Variants in TNS3 observed in about 807,000 individuals in gnomAD.
TNS3 encodes the protein tensin 3.
Under a neutral mutation model 140.9 loss-of-function variants are expected in TNS3, and 45 were observed. That is an observed-to-expected ratio of 0.32 (90% CI 0.25 to 0.41). The LOEUF is 0.41. Among genes scored for constraint, TNS3 ranks in the 10% least tolerant of loss-of-function variants. The probability of loss-of-function intolerance (pLI) is 1.00; values close to 1 mark genes in which losing one functional copy is unlikely to be tolerated. For synonymous variants in TNS3, 815 were observed against 788.4 expected (o/e 1.03, Z -0.56); for missense variants, 1,716 against 1,906.7 (o/e 0.90, Z 1.86).
chr7:47,427,341 C>G (rs1391509951), intron 9 of TNS3, among the ~76,000 whole-genome samples: 1 of 152,066 alleles, frequency 6.6e-6, no homozygotes, highest in Non-Finnish European at 1.5e-5. Context: ...TGGCAGGCAC[C>G]AACTCCTCAG....
intron 2 of TNS3, among the ~76,000 whole-genome samples, chr7:47,527,471 A>G (rs894113508): frequency 1.3e-5 from 2 of 152,118 alleles, no homozygotes; most frequent in African/African-American, 4.8e-5. Flanking sequence ...GCAATTTCTC[A>G]TCACCTTACA....
In TNS3 at chr7:47,406,880, A is replaced by T. The variant is rs114044742; in HGVS notation, c.723+4847T>A. On this transcript the variant is annotated intron_variant, in intron 13 of 30. Transcript: ENST00000311160. ...TCACGCAGGCACAGGGAAAAACTGA[A>T]GGAAGGGCAAAGTGAAGGCGGCGTG... is the stretch of plus-strand genomic sequence containing the variant. Among the ~76,000 whole-genome samples, 789 of 152,272 alleles carry T rather than the reference A, an allele frequency of 5.2e-3. 6 individuals are homozygous for T. Among genetic ancestry groups the T allele is most frequent in the African/African-American group, 0.018 (744 of 41,534 alleles).
intron 27 of TNS3, 111 bp downstream of exon 27, chr7:47,291,844 G>C (rs2150608911): frequency 1.7e-6 from 2 of 1,202,658 alleles, no homozygotes; most frequent in East Asian, 2.5e-5. Context: ...CTCCTTCAAG[G>C]CTCACAGAAA....
chr7:47,483,092 A>G (rs920112915), intron 3 of TNS3, among the ~76,000 whole-genome samples: 1 of 152,206 alleles, frequency 6.6e-6, no homozygotes, highest in Non-Finnish European at 1.5e-5. Flanking sequence ...GACTGTATCA[A>G]TATTGGCTAA....
chr7:47,562,932 T>C (rs1017421599), intron 1 of TNS3, among the ~76,000 whole-genome samples: 1 of 152,088 alleles, frequency 6.6e-6, no homozygotes, highest in Non-Finnish European at 1.5e-5. Context: ...GACAACTCCA[T>C]GAGTGCCTGG....
At chr7:47,306,161 A>G (rs1460169952) in intron 20 of TNS3, among the ~76,000 whole-genome samples, 1 of 152,228 alleles carries the variant, frequency 6.6e-6, no homozygotes, top group African/African-American at 2.4e-5. Flanking sequence ...AGGAATTATC[A>G]ACAGCATATG....
chr7:47,361,536 G>T (rs895742695), intron 17 of TNS3, among the ~76,000 whole-genome samples: 2 of 152,200 alleles, frequency 1.3e-5, no homozygotes, highest in Non-Finnish European at 2.9e-5. Flanking sequence ...TTGTGAGGCT[G>T]TGAGCCTTCT....
At chr7:47,444,116 G>A (rs1239406778) in intron 4 of TNS3, among the ~76,000 whole-genome samples, 2 of 152,126 alleles carry the variant, frequency 1.3e-5, no homozygotes, top group East Asian at 1.9e-4. Context: ...CTCATTATGG[G>A]GAAACTCAGC....
intron 6 of TNS3, among the ~76,000 whole-genome samples, chr7:47,437,858 C>T (rs910246933): frequency 2.7e-5 from 4 of 149,984 alleles, no homozygotes; most frequent in African/African-American, 9.8e-5. Flanking sequence ...CTCCTGACAA[C>T]ACAAACTGAC....
intron 20 of TNS3, among the ~76,000 whole-genome samples, chr7:47,325,176 C>T (rs761784051): frequency 5.9e-5 from 9 of 152,146 alleles, no homozygotes; most frequent in East Asian, 3.8e-4. Context: ...GTCCCATTTC[C>T]TTCTTACCTC....
chr7:47,344,724 C>T (rs1437914944), intron 20 of TNS3, 31 bp downstream of exon 20: 16 of 1,597,328 alleles, frequency 1.0e-5, no homozygotes, highest in African/African-American at 1.3e-5. Context: ...CTGAGTGCCG[C>T]GCGCCTGTGA....
chr7:47,311,399 AGTGTGTGTGTGTGTGTGTGTGT>A (rs10617598), intron 20 of TNS3, among the ~76,000 whole-genome samples: 2 of 147,322 alleles, frequency 1.4e-5, no homozygotes, highest in South Asian at 2.2e-4. Flanking sequence ...GAACTTAAAG[AGTGTGTGTGTGTGTGTGTGTGT>A]GTGTGTGTGT....
intron 5 of TNS3, among the ~76,000 whole-genome samples, chr7:47,440,108 C>T (rs1003048984): frequency 1.3e-5 from 2 of 152,002 alleles, no homozygotes; most frequent in Admixed American, 6.5e-5. Context: ...CAGGAGGAAG[C>T]GGAGATGGTG....
At chr7:47,280,114 G>T (rs755642084) in intron 30 of TNS3, 50 bp downstream of exon 30, 2 of 1,608,446 alleles carry the variant, frequency 1.2e-6, no homozygotes, top group South Asian at 2.2e-5. Context: ...TTCAACTTTG[G>T]AGTACAACTG....
At chr7:47,450,755 G>A (rs1452723712) in intron 4 of TNS3, among the ~76,000 whole-genome samples, 1 of 152,192 alleles carries the variant, frequency 6.6e-6, no homozygotes, top group Non-Finnish European at 1.5e-5. Context: ...GGCCAATATG[G>A]GTGCAGGGCA....
intron 4 of TNS3, among the ~76,000 whole-genome samples, chr7:47,444,554 G>A (rs1010595996): frequency 6.6e-6 from 1 of 152,166 alleles, no homozygotes; most frequent in African/African-American, 2.4e-5. Context: ...TCCCTCAGGC[G>A]GGGCCCTGAC....
At chr7:47,337,530 AC>A (rs1314516491) in intron 20 of TNS3, among the ~76,000 whole-genome samples, 1 of 152,246 alleles carries the variant, frequency 6.6e-6, no homozygotes, top group African/African-American at 2.4e-5. Context: ...CTCCAATTCC[AC>A]TGTGTTAAGG....
intron 16 of TNS3, among the ~76,000 whole-genome samples, chr7:47,389,715 G>A (rs990881947): frequency 4.6e-5 from 7 of 152,176 alleles, no homozygotes; most frequent in East Asian, 3.9e-4. Flanking sequence ...GGAAGCCGGC[G>A]CCCCCAGGCC....
rs143132734 is a variant in TNS3, at chr7:47,441,304, G to A, written c.-23+699C>T. Among the ~76,000 whole-genome samples, 179 of 152,070 alleles carry A rather than the reference G, an allele frequency of 1.2e-3. 4 individuals are homozygous for A. The East Asian group carries it at 0.03, about 26-fold the overall frequency. ...AGGGATTCTCCTGCCTCAGCCTCCC[G>A]AATAGCTGGGATTACAGGCATGCGC... On this transcript the variant is annotated intron_variant, in intron 5 of 30. Transcript: ENST00000311160.
Sources: allele counts gnomAD v4.1 joint callset (sites outside exome capture counted in the v4.1 genomes callset), GRCh38; gene constraint gnomAD v4.1.1; transcripts MANE v1.5; gene names NCBI Gene and HGNC (gene_info 2026-07-23, HGNC 2026-07-21).